PLEKHA2: variants seen among roughly 807,000 people sequenced by gnomAD.
The protein encoded by PLEKHA2 is pleckstrin homology domain containing A2.
PLEKHA2 carries 28 observed loss-of-function variants against 53.2 expected under a neutral mutation model. That is an observed-to-expected ratio of 0.53 (90% CI 0.39 to 0.72). PLEKHA2 has a LOEUF of 0.72. Among genes scored for constraint, PLEKHA2 ranks in the 30% least tolerant of loss-of-function variants. The pLI, the probability that PLEKHA2 is intolerant of heterozygous loss-of-function variation, is 0.00. For missense variants in PLEKHA2, 426 were observed against 537.9 expected (o/e 0.79, Z 2.06); for synonymous variants, 193 against 196.4 (o/e 0.98, Z 0.14).
At chr8:38,903,617 A>G (rs73615932) in intron 1 of PLEKHA2, among the ~76,000 whole-genome samples, 1,665 of 152,260 alleles carry the variant, frequency 0.011, 36 homozygotes, top group African/African-American at 0.039. Context: ...CCCTCCCACT[A>G]CCTTGCCAAG....
intron 3 of PLEKHA2, among the ~76,000 whole-genome samples, chr8:38,941,536 G>C (rs1348722477): frequency 6.6e-6 from 1 of 152,180 alleles, no homozygotes; most frequent in Non-Finnish European, 1.5e-5. Flanking sequence ...TTTGTATGTA[G>C]GAGGCCAGGC....
intron 5 of PLEKHA2, 40 bp from the exon 6 acceptor site, chr8:38,950,810 T>C (rs1352983197): frequency 8.8e-6 from 14 of 1,587,920 alleles, no homozygotes; most frequent in African/African-American, 2.7e-5. Context: ...GTTTCCTAAA[T>C]GTTCTGTTCC....
intron 2 of PLEKHA2, among the ~76,000 whole-genome samples, chr8:38,933,130 T>G (rs1304712313): frequency 6.6e-6 from 1 of 152,130 alleles, no homozygotes; most frequent in Non-Finnish European, 1.5e-5. Flanking sequence ...CACTCATAAT[T>G]CAGGCTAGAG....
intron 10 of PLEKHA2, among the ~76,000 whole-genome samples, chr8:38,966,741 C>T (rs1163999160): frequency 2.6e-5 from 4 of 152,140 alleles, no homozygotes; most frequent in Non-Finnish European, 4.4e-5. Context: ...CTGCGAGTCC[C>T]ACAACTCTTT....
intron 2 of PLEKHA2, among the ~76,000 whole-genome samples, chr8:38,921,380 CTG>C (rs1834191641): frequency 6.6e-6 from 1 of 152,244 alleles, no homozygotes; most frequent in Non-Finnish European, 1.5e-5. Context: ...TCCTGTCTGG[CTG>C]TTGCCAGCTG....
intron 10 of PLEKHA2, among the ~76,000 whole-genome samples, chr8:38,962,477 G>A (rs1331446858): frequency 6.6e-6 from 1 of 152,178 alleles, no homozygotes; most frequent in Non-Finnish European, 1.5e-5. Flanking sequence ...TTGGCAAATG[G>A]ATCATGGTGA....
chr8:38,925,742 A>G (rs1035393877), intron 2 of PLEKHA2, among the ~76,000 whole-genome samples: 8 of 152,366 alleles, frequency 5.3e-5, no homozygotes, highest in South Asian at 4.1e-4. Flanking sequence ...AGTAGAAAGC[A>G]TACAAAGTTA....
At chr8:38,969,340 A>T in intron 11 of PLEKHA2, 81 bp from the exon 12 acceptor site, 1 of 1,492,154 alleles carries the variant, frequency 6.7e-7, no homozygotes, top group Non-Finnish European at 9.0e-7. Flanking sequence ...CTGGTTGGGT[A>T]CTCTTTCTGG....
rs1373595115 is a variant in PLEKHA2 at position 38,973,478 on chromosome 8, T to C, written c.*3695T>C. 6.6e-6 allele frequency: 1 copy of C among 151,882 alleles called. No homozygotes were observed. The highest frequency in any genetic ancestry group is 1.5e-5 in the Non-Finnish European group (1 of 67,982). The allele number at this position is 151,882 out of a possible 1,614,324, so 9.4% of individuals were successfully genotyped here. On this transcript the variant is annotated 3_prime_UTR_variant, in exon 12 of 12. Transcript: ENST00000617275. ...TGTTTTCAGTATAAATTAGATAACATGTGGAGGTCACAGCATTTTGGAAAT... is the reference window on the plus strand; with the variant it reads ...TGTTTTCAGTATAAATTAGATAACACGTGGAGGTCACAGCATTTTGGAAAT...
chr8:38,909,934 T>C (rs1316826864), intron 1 of PLEKHA2, among the ~76,000 whole-genome samples: 1 of 151,860 alleles, frequency 6.6e-6, no homozygotes, highest in Non-Finnish European at 1.5e-5. Flanking sequence ...ACTTCCCACT[T>C]TTTGTTTTTC....
chr8:38,968,553 G>A, intron 10 of PLEKHA2, 39 bp from the exon 11 acceptor site: 1 of 1,599,722 alleles, frequency 6.3e-7, no homozygotes, highest in Non-Finnish European at 8.6e-7. Context: ...AAATCATAGT[G>A]CCTAAAATTT....
intron 6 of PLEKHA2, 112 bp from the exon 7 acceptor site, chr8:38,952,054 T>G (rs1834853668): frequency 7.4e-7 from 1 of 1,348,782 alleles, no homozygotes; most frequent in African/African-American, 1.5e-5. Context: ...CCACCATTTA[T>G]TTCTTCTTTG....
At chr8:38,926,651 C>T (rs1588245552) in intron 2 of PLEKHA2, among the ~76,000 whole-genome samples, 1 of 152,220 alleles carries the variant, frequency 6.6e-6, no homozygotes, top group South Asian at 2.1e-4. Flanking sequence ...AAAAACTAAG[C>T]CGGGTGCGGT....
rs1835218797 is a variant in PLEKHA2 at position 38,970,037 on chromosome 8, T to G, written c.*254T>G. 5.2e-6 allele frequency: 3 copies of G among 573,094 alleles called. No homozygotes were observed. Among genetic ancestry groups the G allele is most frequent in the Non-Finnish European group, 9.0e-6 (3 of 331,854 alleles). 35.5% of individuals were successfully genotyped at this position (573,094 alleles called of 1,614,324 possible). ...CACTAGGTTAGAACTGTAGGCATAC[T>G]CAGTGGAGAGGAAGCTACCTATTCT... On this transcript the variant is annotated 3_prime_UTR_variant, in exon 12 of 12. Transcript: ENST00000617275.
intron 3 of PLEKHA2, among the ~76,000 whole-genome samples, chr8:38,940,653 G>T (rs953052963): frequency 9.4e-6 from 1 of 106,244 alleles, no homozygotes; most frequent in Non-Finnish European, 1.9e-5. Context: ...GAAGGGGCGG[G>T]GGGGGGGGGT....
At chr8:38,954,750 G>A (rs911868377) in intron 9 of PLEKHA2, among the ~76,000 whole-genome samples, 8 of 152,112 alleles carry the variant, frequency 5.3e-5, no homozygotes, top group South Asian at 2.1e-4. Context: ...TTTTTAGGCC[G>A]GGCGTGGTGG....
intron 10 of PLEKHA2, 85 bp downstream of exon 10, chr8:38,957,471 C>G (rs189229839): frequency 6.0e-5 from 73 of 1,212,908 alleles, no homozygotes. Context: ...TTTGCTTTCT[C>G]TTTTCATTTG....
chr8:38,923,498 C>T (rs1046993080), intron 2 of PLEKHA2, among the ~76,000 whole-genome samples: 2 of 152,090 alleles, frequency 1.3e-5, no homozygotes, highest in African/African-American at 4.8e-5. Context: ...TGAGCTACCG[C>T]GCCCAGCCTG....
chr8:38,965,390 T>C (rs898715956), intron 10 of PLEKHA2, among the ~76,000 whole-genome samples: 6 of 152,118 alleles, frequency 3.9e-5, no homozygotes, highest in Admixed American at 2.0e-4. Flanking sequence ...GGAAGGAGCA[T>C]GGAGATAGCT....
Sources: allele counts gnomAD v4.1 joint callset (sites outside exome capture counted in the v4.1 genomes callset), GRCh38; gene constraint gnomAD v4.1.1; transcripts MANE v1.5; gene names NCBI Gene and HGNC (gene_info 2026-07-23, HGNC 2026-07-21).